The following SCN1A variants were observed in gnomAD, a reference collection of about 807,000 sequenced individuals.
The protein encoded by SCN1A is sodium voltage-gated channel alpha subunit 1.
A neutral mutation model predicts 193.7 loss-of-function variants in SCN1A; 13 were observed. That is an observed-to-expected ratio of 0.07 (90% confidence interval 0.04 to 0.11). The LOEUF is 0.11. Among genes scored for constraint, SCN1A ranks in the 10% least tolerant of loss-of-function variants. The probability of loss-of-function intolerance (pLI) is 1.00; values close to 1 mark genes in which losing one functional copy is unlikely to be tolerated. For missense variants in SCN1A, 1,432 were observed against 2,451.1 expected (o/e 0.58, Z 8.78); for synonymous variants, 781 against 843.6 (o/e 0.93, Z 1.29).
intron 19 of SCN1A, chr2:166,016,474 CAACAAT>C (rs1319981323): frequency 1.3e-5 from 2 of 151,920 alleles, no homozygotes; most frequent in African/African-American, 4.8e-5. Flanking sequence ...TAAACAACAA[CAACAAT>C]AACAATATCC....
At chr2:166,037,695 A>G (rs1016730494) in intron 18 of SCN1A, 81 bp downstream of exon 18, 79 of 1,233,852 alleles carry the variant, frequency 6.4e-5, no homozygotes, top group Non-Finnish European at 9.5e-5. Context: ...GTACATGTGC[A>G]CAATGTGCAG....
At chr2:166,025,272 G>A (rs987418442) in intron 19 of SCN1A, among the ~76,000 whole-genome samples, 1 of 152,134 alleles carries the variant, frequency 6.6e-6, no homozygotes, top group Admixed American at 6.5e-5. Context: ...GTCGTTGGCA[G>A]AGTTCATTTC....
intron 7 of SCN1A, 33 bp from the exon 8 acceptor site, chr2:166,052,976 A>C (rs374041911): frequency 1.3e-6 from 2 of 1,559,174 alleles, no homozygotes; most frequent in African/African-American, 2.7e-5. Flanking sequence ...AAACACAAAA[A>C]CAGGACACAA....
At chr2:165,984,659 C>G (rs1221770529), downstream of SCN1A, 3 of 151,762 alleles carry the variant, frequency 2.0e-5, no homozygotes, top group Non-Finnish European at 4.4e-5. Flanking sequence ...AAGTTGCATT[C>G]CATGAGGAGA....
At chr2:166,141,634 A>C (rs12613975) in intron 1 of SCN1A, among the ~76,000 whole-genome samples, 61,930 of 152,048 alleles carry the variant, frequency 0.41, 13,016 homozygotes, top group Admixed American at 0.55. Context: ...TTATTGCTTA[A>C]AATATTTTGT....
chr2:166,055,139 T>A (rs1698996817), intron 6 of SCN1A, among the ~76,000 whole-genome samples: 1 of 151,306 alleles, frequency 6.6e-6, no homozygotes, highest in African/African-American at 2.4e-5. Context: ...GGGAAAAAAA[T>A]CTCAAGTTTA....
intron 7 of SCN1A, among the ~76,000 whole-genome samples, chr2:166,054,050 C>G (rs1388898219): frequency 6.6e-6 from 1 of 151,778 alleles, no homozygotes; most frequent in South Asian, 2.1e-4. Context: ...AGGAGAGAAA[C>G]AGAAAGAGGC....
rs1188552466 is a variant in SCN1A, at chr2:165,986,948, T to C, written c.*4297A>G. The C allele has an allele frequency of 6.6e-6, 1 of 152,142 alleles. No homozygotes were observed. Among genetic ancestry groups the C allele is most frequent in the Non-Finnish European group, 1.5e-5 (1 of 67,996 alleles). The allele number at this position is 152,142 out of a possible 1,614,324, so 9.4% of individuals were successfully genotyped here. A position where few individuals can be genotyped will look rare whatever the true frequency, so the allele number is the denominator to read the frequency against. On this transcript the variant is annotated 3_prime_UTR_variant, in exon 29 of 29. Transcript: ENST00000674923. The stretch of plus-strand genomic sequence containing the variant: ...ACAAAATTAGGAAAATTAACACTAT[T>C]ATAATACTAATAACTAATAAACAGT...
intron 23 of SCN1A, among the ~76,000 whole-genome samples, chr2:166,006,956 TGG>T (rs1350771661): frequency 6.6e-6 from 1 of 151,190 alleles, no homozygotes; most frequent in Admixed American, 6.6e-5. Flanking sequence ...TCCCCAAAGA[TGG>T]ATAACTCCAT....
rs1467474943 is a variant in SCN1A, at chr2:165,989,625, C to A, written c.*1620G>T. On this transcript the variant is annotated 3_prime_UTR_variant, in exon 29 of 29. Transcript: ENST00000674923. ...AAATTGTGAAATAATCTAAAATTAG[C>A]AAATGTAATTTAAAAAGCAGAAATC... 6.6e-6 allele frequency: 1 copy of A among 152,440 alleles called. No homozygotes were observed. The highest frequency in any genetic ancestry group is 6.6e-5 in the Admixed American group (1 of 15,260). The allele number at this position is 152,440 out of a possible 1,614,324, so 9.4% of individuals were successfully genotyped here. A position where few individuals can be genotyped will look rare whatever the true frequency, so the allele number is the denominator to read the frequency against.
At chr2:166,024,826 AT>A (rs1435168618) in intron 19 of SCN1A, among the ~76,000 whole-genome samples, 1 of 151,984 alleles carries the variant, frequency 6.6e-6, no homozygotes, top group Non-Finnish European at 1.5e-5. Context: ...CACCCGGCTA[AT>A]TTTTGTATTT....
intron 2 of SCN1A, among the ~76,000 whole-genome samples, chr2:166,090,650 T>A (rs1218550243): frequency 6.6e-6 from 1 of 152,154 alleles, no homozygotes; most frequent in Non-Finnish European, 1.5e-5. Context: ...TCTCATAAAA[T>A]GTAACTACTA....
At chr2:166,044,200 T>C in intron 13 of SCN1A, 151 bp from the exon 14 acceptor site, 1 of 975,436 alleles carries the variant, frequency 1.0e-6, no homozygotes, top group Non-Finnish European at 1.5e-6. Flanking sequence ...TTTATGTGCA[T>C]TCACATTAAA....
chr2:166,107,987 A>T (rs1688875931), intron 2 of SCN1A, among the ~76,000 whole-genome samples: 1 of 152,142 alleles, frequency 6.6e-6, no homozygotes, highest in Admixed American at 6.5e-5. Flanking sequence ...TTCAAAAGAC[A>T]ACATCAAAAA....
At chr2:166,092,923 C>G (rs1344174670) in intron 2 of SCN1A, among the ~76,000 whole-genome samples, 1 of 152,058 alleles carries the variant, frequency 6.6e-6, no homozygotes, top group Non-Finnish European at 1.5e-5. Flanking sequence ...CTCCATGTAA[C>G]CCATACTGAA....
chr2:166,038,991 T>C (rs1360282278), intron 17 of SCN1A, among the ~76,000 whole-genome samples: 1 of 152,132 alleles, frequency 6.6e-6, no homozygotes, highest in African/African-American at 2.4e-5. Flanking sequence ...CCTTTGACTT[T>C]CGCAAGATGC....
At chr2:166,044,743 C>G (rs190640780) in intron 13 of SCN1A, among the ~76,000 whole-genome samples, 76 of 151,544 alleles carry the variant, frequency 5.0e-4, no homozygotes, top group African/African-American at 1.6e-3. Flanking sequence ...CTTAAAAGTG[C>G]TGAGGATCAA....
At chr2:166,129,181 G>A (rs1203571184), upstream of SCN1A, among the ~76,000 whole-genome samples, 1 of 152,010 alleles carries the variant, frequency 6.6e-6, no homozygotes, top group African/African-American at 2.4e-5. Context: ...GAACACTGAA[G>A]CTTTCTGAGC....
intron 4 of SCN1A, 150 bp downstream of exon 4, chr2:166,073,208 A>G: frequency 1.2e-6 from 1 of 828,212 alleles, no homozygotes; most frequent in Non-Finnish European, 1.9e-6. Context: ...TTTCTCATGT[A>G]TATGCATAAA....
Sources: allele counts gnomAD v4.1 joint callset (sites outside exome capture counted in the v4.1 genomes callset), GRCh38; gene constraint gnomAD v4.1.1; transcripts MANE v1.5; gene names NCBI Gene and HGNC (gene_info 2026-07-23, HGNC 2026-07-21).